MTUS2: variants seen among roughly 807,000 people sequenced by gnomAD.
The protein encoded by MTUS2 is microtubule associated scaffold protein 2, also known as microtubule-associated tumor suppressor candidate 2.
Under a neutral mutation model 114.1 loss-of-function variants are expected in MTUS2, and 40 were observed. That is an observed-to-expected ratio of 0.35 (90% CI 0.27 to 0.46). The LOEUF (loss-of-function observed/expected upper bound fraction) is 0.46. Among genes scored for constraint, MTUS2 ranks in the 20% least tolerant of loss-of-function variants. MTUS2 has a pLI of 1.00. For missense variants in MTUS2, 1,679 were observed against 1,705.4 expected (o/e 0.98, Z 0.27); for synonymous variants, 688 against 672.0 (o/e 1.02, Z -0.37).
intron 5 of MTUS2, among the ~76,000 whole-genome samples, chr13:29,115,454 A>T (rs769359011): frequency 2.0e-5 from 3 of 152,218 alleles, no homozygotes; most frequent in Non-Finnish European, 4.4e-5. Flanking sequence ...TGACCAGGCC[A>T]TATGTCAGCC....
At chr13:29,300,933 A>G (rs1300429151) in intron 6 of MTUS2, among the ~76,000 whole-genome samples, 1 of 152,236 alleles carries the variant, frequency 6.6e-6, no homozygotes, top group Non-Finnish European at 1.5e-5. Context: ...AACATCCAAG[A>G]TCAAGACACT....
chr13:29,415,652 C>T (rs978482787), intron 8 of MTUS2, among the ~76,000 whole-genome samples: 1 of 152,118 alleles, frequency 6.6e-6, no homozygotes, highest in African/African-American at 2.4e-5. Flanking sequence ...GTGAGCTGAA[C>T]AGAAAATGTG....
chr13:28,993,883 T>C (rs1159172516), intron 2 of MTUS2, among the ~76,000 whole-genome samples: 1 of 152,068 alleles, frequency 6.6e-6, no homozygotes, highest in Admixed American at 6.5e-5. Flanking sequence ...TATAGTTTAT[T>C]TTAATGTTTA....
At chr13:29,253,380 C>A (rs547129005) in intron 5 of MTUS2, among the ~76,000 whole-genome samples, 1 of 151,854 alleles carries the variant, frequency 6.6e-6, no homozygotes, top group East Asian at 1.9e-4. Context: ...GAGCCAAGAT[C>A]ATGCCATTGC....
intron 5 of MTUS2, among the ~76,000 whole-genome samples, chr13:29,148,377 A>G (rs1316790529): frequency 1.1e-5 from 1 of 91,192 alleles, no homozygotes; most frequent in Non-Finnish European, 2.2e-5. Context: ...CCACCCTCTG[A>G]CAGACCCCAG....
Position 29,025,795 on chromosome 13 carries a change from G to T in MTUS2, c.1097G>T (p.Ser366Ile). ...GATGCACTTGGCCATCTGCTGAACA[G>T]TGACCTCCACCACCTTGGGGTGGGA... The part of the protein sequence containing the change: ...ATDALGHLLN[S>I]DLHHLGVGRG... Residue 366 changes from serine to isoleucine, a missense_variant, in exon 3 of 16, where the codon AGT (serine) becomes ATT (isoleucine). Physicochemically the swap from Ser to Ile is moderately radical, Grantham distance 142. Around this residue, in one of 3 missense-constraint regions of MTUS2, gnomAD observed 843 missense variants for 770.8 expected, o/e 1.09. Transcript: ENST00000612955. The T allele has an allele frequency of 1.2e-6, 2 of 1,614,022 alleles. No individual in the cohort carries two copies. Among genetic ancestry groups the T allele is most frequent in the Non-Finnish European group, 8.5e-7 (1 of 1,179,902 alleles).
At chr13:29,296,108 G>A (rs558823776) in intron 6 of MTUS2, among the ~76,000 whole-genome samples, 1 of 152,324 alleles carries the variant, frequency 6.6e-6, no homozygotes, top group South Asian at 2.1e-4. Flanking sequence ...TGGGAGTGCA[G>A]ATATCTCTTG....
Position 29,310,940 on chromosome 13 carries a change from T to C in MTUS2, c.2807-13673T>C, listed in dbSNP as rs78334669. Among the ~76,000 whole-genome samples the C allele has an allele frequency of 2.0e-5, 3 of 152,202 alleles. No homozygotes were observed. In the East Asian group the frequency reaches 5.8e-4, roughly 29 times the overall value. On this transcript the variant is annotated intron_variant, in intron 6 of 15. Coordinates refer to ENST00000612955, the MANE Select transcript of MTUS2 (RefSeq NM_001033602.4). ...TGGACAAGCCTGTTCAAAGCAGCAT[T>C]GTTCATAATGGCCAAAAACTAGAAG...
chr13:29,347,799 T>A, intron 7 of MTUS2, among the ~76,000 whole-genome samples: 1 of 152,112 alleles, frequency 6.6e-6, no homozygotes, highest in South Asian at 2.1e-4. Flanking sequence ...AAATTGGAGG[T>A]TCTCACAATC....
intron 8 of MTUS2, among the ~76,000 whole-genome samples, chr13:29,379,860 G>T (rs866323258): frequency 1.3e-4 from 20 of 152,312 alleles, no homozygotes; most frequent in Admixed American, 5.2e-4. Context: ...TAAGGGTAGA[G>T]ATTAAAGGTA....
chr13:29,490,985 A>ATGTGTGTGTGTGTGTG (rs71090259), intron 11 of MTUS2, among the ~76,000 whole-genome samples: 314 of 148,336 alleles, frequency 2.1e-3, no homozygotes, highest in African/African-American at 4.2e-3. Context: ...AGAAGTGTGG[A>ATGTGTGTGTGTGTGTG]TGTGTGTGTG....
chr13:29,477,774 T>C (rs1222558377), intron 9 of MTUS2, among the ~76,000 whole-genome samples: 4 of 150,882 alleles, frequency 2.7e-5, no homozygotes, highest in Admixed American at 2.6e-4. Context: ...ATGTGACAAT[T>C]ATATATATAT....
chr13:28,922,272 G>A (rs1424725108), intron 2 of MTUS2, among the ~76,000 whole-genome samples: 5 of 152,136 alleles, frequency 3.3e-5, no homozygotes, highest in African/African-American at 4.8e-5. Flanking sequence ...AGTCAATTAA[G>A]CCTTTTTTCT....
intron 3 of MTUS2, among the ~76,000 whole-genome samples, chr13:29,028,918 A>G (rs1005479808): frequency 6.6e-6 from 1 of 152,208 alleles, no homozygotes; most frequent in African/African-American, 2.4e-5. Flanking sequence ...AGATAGGATG[A>G]TTGAGTCCAA....
intron 2 of MTUS2, among the ~76,000 whole-genome samples, chr13:29,001,936 C>CTCACAAA (rs371490308): frequency 6.6e-6 from 1 of 152,250 alleles, no homozygotes; most frequent in African/African-American, 2.4e-5. Flanking sequence ...GCCTCTGTAT[C>CTCACAAA]TCACATTTTG....
At chr13:29,047,129 TG>T (rs1257433445) in intron 4 of MTUS2, among the ~76,000 whole-genome samples, 4 of 152,240 alleles carry the variant, frequency 2.6e-5, no homozygotes, top group Non-Finnish European at 5.9e-5. Flanking sequence ...CTTAGGATTT[TG>T]AGCATCATTC....
At chr13:29,381,226 C>T (rs1040521777) in intron 8 of MTUS2, among the ~76,000 whole-genome samples, 3 of 152,130 alleles carry the variant, frequency 2.0e-5, no homozygotes, top group Non-Finnish European at 4.4e-5. Flanking sequence ...CAGGAAAAAA[C>T]TTAGGACAGA....
chr13:29,236,061 T>C (rs1896523963), intron 5 of MTUS2, among the ~76,000 whole-genome samples: 1 of 152,214 alleles, frequency 6.6e-6, no homozygotes, highest in Non-Finnish European at 1.5e-5. Context: ...CTTGATTAGC[T>C]AAATGTTTGT....
intron 2 of MTUS2, among the ~76,000 whole-genome samples, chr13:28,974,366 A>G (rs981654141): frequency 1.3e-5 from 2 of 152,202 alleles, no homozygotes; most frequent in African/African-American, 2.4e-5. Context: ...AGTTTGGGCC[A>G]AACAAACTGT....
Sources: gnomAD v4.1 joint callset for allele counts (sites outside exome capture counted in the v4.1 genomes callset) on GRCh38, gnomAD v4.1.1 for gene constraint, gnomAD v4.1.1 regional missense constraint, MANE v1.5 for transcripts, NCBI Gene and HGNC (gene_info 2026-07-23, HGNC 2026-07-21) for gene names.